ANO1: variants seen among roughly 807,000 people sequenced by gnomAD.
ANO1 encodes anoctamin-1.
A neutral mutation model predicts 124.0 loss-of-function variants in ANO1; 59 were observed. That is an observed-to-expected ratio of 0.48 (90% CI 0.39 to 0.59). The LOEUF is 0.59. Among genes scored for constraint, ANO1 ranks in the 20% least tolerant of loss-of-function variants. The probability of loss-of-function intolerance (pLI) is 0.00; values close to 1 mark genes in which losing one functional copy is unlikely to be tolerated. For synonymous variants in ANO1, 529 were observed against 532.0 expected, an observed-to-expected ratio of 0.99 and a Z score of 0.08; for missense variants, 1,059 against 1,328.0, an observed-to-expected ratio of 0.80 and a Z score of 3.15.
In ANO1 at chr11:70,011,203, GCCT is replaced by G. The variant is rs1555001068; in HGVS notation, c.58+25038_58+25040del. On this transcript the variant is annotated intron_variant, in intron 1 of 27. Coordinates refer to the ANO1 transcript ENST00000531349. ...GGCAGAGGGAACAGCGTGTGCAATG[GCCT>G]GGGGTCGGGGAGTGGAGAGCAGGGT... 6.6e-5 allele frequency among the ~76,000 whole-genome samples: 10 copies of G among 152,298 alleles called. No homozygotes were observed. In the East Asian group the frequency reaches 1.7e-3, roughly 26 times the overall value.
chr11:70,016,184 C>T (rs1158798363), intron 1 of ANO1, among the ~76,000 whole-genome samples: 1 of 151,982 alleles, frequency 6.6e-6, no homozygotes, highest in Admixed American at 6.6e-5. Context: ...CACGCCACCA[C>T]GCCCAGCTAA....
chr11:70,081,524 G>A (rs948042468), intron 1 of ANO1, among the ~76,000 whole-genome samples: 1 of 152,184 alleles, frequency 6.6e-6, no homozygotes, highest in Non-Finnish European at 1.5e-5. Context: ...ATAATTTGAA[G>A]AGTCTCAAAA....
At chr11:70,133,655 T>G (rs1013558219) in intron 11 of ANO1, among the ~76,000 whole-genome samples, 5 of 152,230 alleles carry the variant, frequency 3.3e-5, no homozygotes, top group Admixed American at 6.5e-5. Flanking sequence ...GGAGGCTGCA[T>G]TCGGGGCTGG....
Position 70,010,166 on chromosome 11 carries a change from C to CGTGTGTGT in ANO1, c.58+24001_58+24002insTGTGTGTG, listed in dbSNP as rs1258959507. On this transcript the variant is annotated intron_variant, in intron 1 of 27. Transcript: ENST00000531349. ...GTGTGTGTGTGTGTGTGTGTGTGTG[C>CGTGTGTGT]GCGTGTGTGTGTGTATATATATATA... Among the ~76,000 whole-genome samples the CGTGTGTGT allele has an allele frequency of 3.8e-4, 38 of 100,544 alleles. 2 individuals carry two copies. Among genetic ancestry groups the CGTGTGTGT allele is most frequent in the African/African-American group, 1.2e-3 (29 of 24,034 alleles). 66.0% of individuals were successfully genotyped at this position (100,544 alleles called of 152,430 possible).
chr11:70,095,783 T>G (rs1476958519), intron 2 of ANO1, among the ~76,000 whole-genome samples: 2 of 152,234 alleles, frequency 1.3e-5, no homozygotes, highest in African/African-American at 4.8e-5. Flanking sequence ...CACCAGCATC[T>G]TCTTGCACCA....
At chr11:69,979,344 C>T in the ANO1 span, among the ~76,000 whole-genome samples, 1 of 152,166 alleles carries the variant, frequency 6.6e-6, no homozygotes, top group African/African-American at 2.4e-5. Context: ...GCATGGTGCT[C>T]TGGAAAGAGC....
In ANO1 at chr11:70,132,051, C is replaced by T; in HGVS notation, c.1230C>T (p.Val410=). 1 of 1,601,036 alleles carries T rather than the reference C, an allele frequency of 6.2e-7. No individual in the cohort carries two copies. The highest frequency in any genetic ancestry group is 8.5e-7 in the Non-Finnish European group (1 of 1,176,722). ...ACCTCTTCGACAACCCCGCCACGGT[C>T]TTCTTCTCTGTCTTCATGGCCCTCT... The part of the protein sequence containing the change: ...ASHLFDNPAT[V]FFSVFMALWA... The change falls in exon 11 of 26, where the codon GTC becomes GTT. Residue 410 remains valine (V), a synonymous_variant. Coordinates refer to ENST00000355303, the MANE Select transcript of ANO1 (RefSeq NM_018043.7).
intron 8 of ANO1, 56 bp downstream of exon 8, chr11:70,116,555 G>A (rs1013392232): frequency 3.3e-6 from 5 of 1,536,954 alleles, no homozygotes; most frequent in Non-Finnish European, 4.4e-6. Flanking sequence ...AGGCGTTCTG[G>A]GGCGGGGTGG....
At chr11:70,014,421 G>A (rs1449895936) in intron 1 of ANO1, among the ~76,000 whole-genome samples, 4 of 152,080 alleles carry the variant, frequency 2.6e-5, no homozygotes, top group Non-Finnish European at 5.9e-5. Context: ...TTGTGTGCCC[G>A]ACTCCTTTCC....
upstream of ANO1, among the ~76,000 whole-genome samples, chr11:69,983,745 G>A (rs1245996500): frequency 1.3e-5 from 2 of 152,188 alleles, no homozygotes; most frequent in South Asian, 2.1e-4. Context: ...ACTTTTAAAC[G>A]TCTGGGTCTT....
chr11:69,991,091 T>C (rs1565155376), intron 1 of ANO1, among the ~76,000 whole-genome samples: 1 of 152,236 alleles, frequency 6.6e-6, no homozygotes, highest in Non-Finnish European at 1.5e-5. Context: ...AGTTTTATGC[T>C]TTTAGTTTTT....
At chr11:70,174,626 G>T (rs1441539005) in intron 22 of ANO1, among the ~76,000 whole-genome samples, 3 of 152,142 alleles carry the variant, frequency 2.0e-5, no homozygotes, top group Admixed American at 6.5e-5. Context: ...GGGAACCCCG[G>T]GAGGAAGCCT....
At chr11:70,013,250 G>A (rs1028822228) in intron 1 of ANO1, among the ~76,000 whole-genome samples, 1 of 152,188 alleles carries the variant, frequency 6.6e-6, no homozygotes, top group Non-Finnish European at 1.5e-5. Flanking sequence ...CACAGCAGTG[G>A]CCAAGGCTAG....
At chr11:70,114,844 A>G (rs1456223384) in intron 7 of ANO1, among the ~76,000 whole-genome samples, 1 of 152,142 alleles carries the variant, frequency 6.6e-6, no homozygotes, top group Non-Finnish European at 1.5e-5. Flanking sequence ...TAACAACCTG[A>G]TAGAGTTGTG....
chr11:70,084,663 C>T lies in ANO1; in HGVS notation c.109-3089C>T, dbSNP rs111314960. 1.2e-3 allele frequency among the ~76,000 whole-genome samples: 186 copies of T among 152,304 alleles called. 1 individual carries two copies. The highest frequency in any genetic ancestry group is 4.3e-3 in the African/African-American group (179 of 41,560). On this transcript the variant is annotated intron_variant, in intron 1 of 25. Transcript: ENST00000355303. Reference sequence around the variant, plus strand: ...AAGCCAGTGCCCTGTCCTGGGCTGGCCTCACCTGCTGCCCCACACTGTCCA... The same window carrying T: ...AAGCCAGTGCCCTGTCCTGGGCTGGTCTCACCTGCTGCCCCACACTGTCCA...
chr11:70,023,811 C>G (rs887574379), intron 1 of ANO1, among the ~76,000 whole-genome samples: 6 of 152,104 alleles, frequency 3.9e-5, no homozygotes, highest in African/African-American at 1.4e-4. Flanking sequence ...GGCCAAGAAT[C>G]AAAGAAAGAA....
At chr11:70,077,897 G>A (rs1205791633), upstream of ANO1, among the ~76,000 whole-genome samples, 1 of 152,152 alleles carries the variant, frequency 6.6e-6, no homozygotes, top group Non-Finnish European at 1.5e-5. Flanking sequence ...CAGGAGCGCG[G>A]GCAGCTGGAG....
intron 10 of ANO1, among the ~76,000 whole-genome samples, chr11:70,127,073 T>C (rs935901920): frequency 4.6e-5 from 5 of 108,112 alleles, no homozygotes; most frequent in South Asian, 4.2e-4. Context: ...GGCTGGTGCT[T>C]GCGGGAAGTG....
chr11:70,165,228 C>G (rs897945382), intron 19 of ANO1: 8 of 523,216 alleles, frequency 1.5e-5, no homozygotes, highest in African/African-American at 1.2e-4. Flanking sequence ...CTGAGGACAT[C>G]AGTCCTCAGA....
Sources: allele counts gnomAD v4.1 joint callset (sites outside exome capture counted in the v4.1 genomes callset), GRCh38; gene constraint gnomAD v4.1.1; transcripts MANE v1.5; gene names NCBI Gene and HGNC (gene_info 2026-07-23, HGNC 2026-07-21).